EFCAB5: variants seen among roughly 807,000 people sequenced by gnomAD.
EFCAB5 encodes EF-hand calcium-binding domain-containing protein 5.
Under a neutral mutation model 167.9 loss-of-function variants are expected in EFCAB5, and 131 were observed. The ratio of observed to expected loss-of-function variants is 0.78; its 90% CI spans 0.68 to 0.90. The LOEUF (loss-of-function observed/expected upper bound fraction) is 0.90. EFCAB5 is among the 40% of genes least tolerant of loss of function. The probability of loss-of-function intolerance (pLI) is 0.00; values close to 1 mark genes in which losing one functional copy is unlikely to be tolerated. For synonymous variants in EFCAB5, 574 were observed against 602.8 expected (o/e 0.95, Z 0.70); for missense variants, 1,663 against 1,745.2 (o/e 0.95, Z 0.84).
intron 8 of EFCAB5, among the ~76,000 whole-genome samples, chr17:30,049,148 A>C (rs550979472): frequency 6.6e-6 from 1 of 152,282 alleles, no homozygotes; most frequent in South Asian, 2.1e-4. Context: ...GTAGCATTAG[A>C]TACCTTGGTA....
At chr17:30,061,441 C>A (rs1458088798) in intron 14 of EFCAB5, among the ~76,000 whole-genome samples, 1 of 152,146 alleles carries the variant, frequency 6.6e-6, no homozygotes, top group Non-Finnish European at 1.5e-5. Context: ...CTTCTTTGTC[C>A]AAGATTTAAA....
intron 7 of EFCAB5, 113 bp downstream of exon 7, chr17:30,000,089 T>G: frequency 1.4e-6 from 1 of 695,454 alleles, no homozygotes; most frequent in Non-Finnish European, 2.3e-6. Flanking sequence ...CAAAACTTAT[T>G]TTATACATTC....
At chr17:30,069,484 G>A in intron 14 of EFCAB5, 3 of 1,593,384 alleles carry the variant, frequency 1.9e-6, no homozygotes, top group South Asian at 1.1e-5. Flanking sequence ...GCGTTCACCA[G>A]TTAGTTGTGG....
At chr17:30,005,342 A>G (rs983073307) in intron 7 of EFCAB5, among the ~76,000 whole-genome samples, 1 of 152,188 alleles carries the variant, frequency 6.6e-6, no homozygotes, top group African/African-American at 2.4e-5. Context: ...CCTTGTCTCA[A>G]ACAAATAAAA....
chr17:30,020,606 CG>C (rs1382550092), intron 7 of EFCAB5, among the ~76,000 whole-genome samples: 1 of 152,008 alleles, frequency 6.6e-6, no homozygotes, highest in African/African-American at 2.4e-5. Flanking sequence ...CCACCCGCCT[CG>C]GCCTCCCTAA....
chr17:30,064,339 G>A (rs2070504551), intron 14 of EFCAB5, among the ~76,000 whole-genome samples: 1 of 152,124 alleles, frequency 6.6e-6, no homozygotes, highest in Admixed American at 6.5e-5. Context: ...GAAGCAGACA[G>A]AAACCCTGCA....
intron 3 of EFCAB5, chr17:29,968,342 G>A (rs2067876055): frequency 2.2e-6 from 1 of 454,430 alleles, no homozygotes; most frequent in Admixed American, 2.4e-5. Context: ...TCTGGGCGTG[G>A]GCATGTATCC....
chr17:29,945,333 G>T (rs566460430), intron 3 of EFCAB5, among the ~76,000 whole-genome samples: 2 of 150,832 alleles, frequency 1.3e-5, no homozygotes, highest in Admixed American at 6.6e-5. Flanking sequence ...TTTCCCCAAA[G>T]TGTTCTTCTC....
At chr17:30,037,097 T>C (rs976631775) in intron 8 of EFCAB5, among the ~76,000 whole-genome samples, 3 of 152,166 alleles carry the variant, frequency 2.0e-5, no homozygotes, top group Admixed American at 6.5e-5. Context: ...TTTCTAGGTG[T>C]AGCTCAGAGA....
At chr17:29,965,594 C>G (rs2067813040) in intron 3 of EFCAB5, among the ~76,000 whole-genome samples, 4 of 152,164 alleles carry the variant, frequency 2.6e-5, no homozygotes, top group African/African-American at 9.6e-5. Context: ...CATCCAGATT[C>G]ATCCCTTTGC....
intron 18 of EFCAB5, among the ~76,000 whole-genome samples, 188 bp from the exon 19 acceptor site, chr17:30,086,873 CAA>C (rs765658700): frequency 2.0e-5 from 3 of 151,508 alleles, no homozygotes; most frequent in Non-Finnish European, 2.9e-5. Flanking sequence ...ACCTGGGCAA[CAA>C]GAGTGAAACT....
intron 3 of EFCAB5, among the ~76,000 whole-genome samples, chr17:29,950,343 C>T (rs2067483611): frequency 6.6e-6 from 1 of 151,234 alleles, no homozygotes; most frequent in South Asian, 2.1e-4. Context: ...CTCCTTCCTT[C>T]CTCCTCCCCA....
At position 30,080,807 on chromosome 17, in the gene EFCAB5, T is replaced by C. The variant is rs376101855; in HGVS notation, c.3252T>C (p.His1084=). The C allele has an allele frequency of 7.4e-6, 12 of 1,613,034 alleles. No individual in the cohort carries two copies. The highest frequency in any genetic ancestry group is 9.3e-6 in the Non-Finnish European group (11 of 1,179,580). The part of the protein sequence containing the change: ...KPIHVPQVQY[H]GNIFFWNQSR... ...TCCATGTTCCCCAAGTTCAGTACCA[T>C]GGGAACATCTTCTTCTGGAACCAGT... is the stretch of plus-strand genomic sequence containing the variant. Residue 1084 remains histidine, a synonymous_variant, in exon 17 of 23, where the codon CAT becomes CAC. Coordinates refer to ENST00000394835, the MANE Select transcript of EFCAB5 (RefSeq NM_198529.4).
chr17:30,107,755 C>A, intron 22 of EFCAB5, 79 bp from the exon 23 acceptor site: 1 of 1,202,358 alleles, frequency 8.3e-7, no homozygotes, highest in Non-Finnish European at 1.1e-6. Flanking sequence ...GAACTTTAAT[C>A]ATAATATTAG....
chr17:30,062,763 C>T (rs755534118), intron 14 of EFCAB5, among the ~76,000 whole-genome samples: 3 of 152,166 alleles, frequency 2.0e-5, no homozygotes, highest in Non-Finnish European at 4.4e-5. Flanking sequence ...CACATGAGGC[C>T]AAGTGGAGGT....
chr17:30,086,172 A>G (rs1434166606), intron 18 of EFCAB5, among the ~76,000 whole-genome samples: 2 of 151,962 alleles, frequency 1.3e-5, no homozygotes, highest in Non-Finnish European at 2.9e-5. Flanking sequence ...TAAAGGAATG[A>G]TTCATAAAAA....
chr17:29,993,206 A>C lies in EFCAB5; in HGVS notation c.809A>C (p.Gln270Pro), dbSNP rs751104121. The C allele has an allele frequency of 2.5e-6, 4 of 1,613,476 alleles. No homozygotes were observed. The highest frequency in any genetic ancestry group is 3.4e-6 in the Non-Finnish European group (4 of 1,179,668). ...MKENVKQNRK[Q>P]RESIDKIIVK... is the part of the protein sequence containing the mutation. ...GAGAATGTTAAACAGAATAGAAAAC[A>C]AAGAGAAAGCATAGACAAAATCATA... is the stretch of plus-strand genomic sequence containing the variant. Residue 270 changes from glutamine to proline, a missense_variant, in exon 5 of 23, where the codon CAA becomes CCA. Gln to Pro is a moderately conservative substitution (Grantham distance 76). Coordinates refer to ENST00000394835, the MANE Select transcript of EFCAB5 (RefSeq NM_198529.4).
At chr17:30,051,675 A>G (rs1249414113) in intron 9 of EFCAB5, among the ~76,000 whole-genome samples, 2 of 152,138 alleles carry the variant, frequency 1.3e-5, no homozygotes, top group Non-Finnish European at 2.9e-5. Context: ...CTCCCACCTC[A>G]GCCACCTGAG....
intron 14 of EFCAB5, among the ~76,000 whole-genome samples, chr17:30,067,420 G>T (rs1241838394): frequency 6.6e-6 from 1 of 152,078 alleles, no homozygotes; most frequent in East Asian, 1.9e-4. Context: ...TTTGAGACTA[G>T]TCTGGGCAAC....
Sources: allele counts gnomAD v4.1 joint callset (sites outside exome capture counted in the v4.1 genomes callset), GRCh38; gene constraint gnomAD v4.1.1; transcripts MANE v1.5; gene names NCBI Gene and HGNC (gene_info 2026-07-23, HGNC 2026-07-21).